EMG1: variants seen among roughly 807,000 people sequenced by gnomAD.
The protein encoded by EMG1 is EMG1 N1-specific pseudouridine methyltransferase, also known as ribosomal RNA small subunit methyltransferase NEP1.
A neutral mutation model predicts 26.9 loss-of-function variants in EMG1; 24 were observed. The observed-to-expected ratio is 0.89, with a 90% CI of 0.65 to 1.26. The LOEUF is 1.26. Ranked by LOEUF, EMG1 falls within the 50% of genes most tolerant of loss-of-function variation. The pLI, the probability that EMG1 is intolerant of heterozygous loss-of-function variation, is 0.00. For synonymous variants in EMG1, 140 were observed against 112.6 expected (o/e 1.24, Z -1.54); for missense variants, 299 against 307.6 (o/e 0.97, Z 0.21).
intron 6 of EMG1, among the ~76,000 whole-genome samples, chr12:6,985,219 GTC>G (rs1467927919): frequency 6.6e-6 from 1 of 150,988 alleles, no homozygotes; most frequent in Non-Finnish European, 1.5e-5. Context: ...GTGAAACCCC[GTC>G]TCTACTAAAA....
chr12:6,985,863 C>T (rs2138337658), intron 6 of EMG1, among the ~76,000 whole-genome samples: 1 of 151,010 alleles, frequency 6.6e-6, no homozygotes, highest in South Asian at 2.1e-4. Flanking sequence ...CAACCTCCGG[C>T]CCCTAGGTTC....
In EMG1 at chr12:6,977,888, GCTGA is replaced by G. The variant is rs1946426347; in HGVS notation, c.*2084_*2087del. On this transcript the variant is annotated 3_prime_UTR_variant, in exon 6 of 6. Transcript: ENST00000599672. This position sits in a 1 kb window ranked among gnomAD's most constrained non-coding sequence, Gnocchi z 4.5. The stretch of plus-strand genomic sequence containing the variant: ...GCCCCCAGAGGGTACAGGAGGCAGT[GCTGA>G]CTGATTACTTTTAGAGATGGAAAGC... 19 of 926,600 alleles carry G rather than the reference GCTGA, an allele frequency of 2.1e-5. 1 individual carries two copies. The South Asian group carries it at 3.0e-4, about 15-fold the overall frequency. The allele number at this position is 926,600 out of a possible 1,614,324, so 57.4% of individuals were successfully genotyped here. A position where few individuals can be genotyped will look rare whatever the true frequency, so the allele number is the denominator to read the frequency against.
intron 1 of EMG1, among the ~76,000 whole-genome samples, chr12:6,972,174 C>T (rs1203904238): frequency 6.7e-6 from 1 of 149,904 alleles, no homozygotes; most frequent in Non-Finnish European, 1.5e-5. Context: ...TCAATCGATT[C>T]TCCTGCCTCA....
chr12:6,975,166 G>T lies in EMG1; in HGVS notation c.471+18G>T, dbSNP rs782134436. On this transcript the variant is annotated intron_variant, in intron 4 of 5. Transcript: ENST00000599672. Reference sequence around the variant, plus strand: ...TTTTGAAGGTGAGGTATTGAAACCTGTTAGTTGAAGGCTGGTTCTGGGAAT... The same window carrying T: ...TTTTGAAGGTGAGGTATTGAAACCTTTTAGTTGAAGGCTGGTTCTGGGAAT... The T allele has an allele frequency of 2.5e-6, 4 of 1,613,896 alleles. No homozygotes were observed. In the South Asian group the frequency reaches 4.4e-5, roughly 18 times the overall value.
At chr12:6,973,840 C>T (rs1200801238) in intron 1 of EMG1, among the ~76,000 whole-genome samples, 1 of 152,238 alleles carries the variant, frequency 6.6e-6, no homozygotes, top group African/African-American at 2.4e-5. Context: ...CCACGCCCGG[C>T]CTTCACATTT....
At chr12:6,984,253 A>G (rs782452066), downstream of EMG1, among the ~76,000 whole-genome samples, 13 of 152,278 alleles carry the variant, frequency 8.5e-5, no homozygotes, top group Non-Finnish European at 1.9e-4. Flanking sequence ...GATTCAGAGT[A>G]TAGTCCAAAG....
chr12:6,977,546 C>T lies in EMG1; in HGVS notation c.*1737C>T. The T allele has an allele frequency of 1.9e-6, 3 of 1,614,114 alleles. No homozygotes were observed. Among genetic ancestry groups the T allele is most frequent in the Non-Finnish European group, 8.5e-7 (1 of 1,180,012 alleles). On this transcript the variant is annotated 3_prime_UTR_variant, in exon 6 of 6. Transcript: ENST00000599672. This position sits in a 1 kb window ranked among gnomAD's most constrained non-coding sequence, Gnocchi z 4.5. Reference sequence around the variant, plus strand: ...GCAGCCTGGGGAGGGAGGAGGAGCTCATCAGCATCTTGTCCCTTATATTCC... The same window carrying T: ...GCAGCCTGGGGAGGGAGGAGGAGCTTATCAGCATCTTGTCCCTTATATTCC...
chr12:6,984,410 C>A (rs1946501690), downstream of EMG1, among the ~76,000 whole-genome samples: 1 of 152,216 alleles, frequency 6.6e-6, no homozygotes, highest in African/African-American at 2.4e-5. Flanking sequence ...TGCAGACTCA[C>A]CTTCAGTGTT....
downstream of EMG1, among the ~76,000 whole-genome samples, chr12:6,989,123 A>C (rs1946561628): frequency 7.1e-6 from 1 of 140,080 alleles, no homozygotes; most frequent in East Asian, 2.0e-4. Flanking sequence ...ACTCCATCTC[A>C]AAAAAAAAAA....
Position 6,977,134 on chromosome 12 carries a change from C to G in EMG1, c.*1325C>G, listed in dbSNP as rs60709620. 1.9e-6 allele frequency: 3 copies of G among 1,547,322 alleles called. No individual in the cohort carries two copies. The East Asian group carries it at 6.8e-5, about 35-fold the overall frequency. On this transcript the variant is annotated 3_prime_UTR_variant, in exon 6 of 6. Transcript: ENST00000599672. This position sits in a 1 kb window ranked among gnomAD's most constrained non-coding sequence, Gnocchi z 4.5. The stretch of plus-strand genomic sequence containing the variant: ...TTTTAGTTTAGCTGTATTAACTTAC[C>G]AGGGAAATGGATTATTCCATCTTCT...
chr12:6,982,033 A>C, downstream of EMG1: 1 of 625,484 alleles, frequency 1.6e-6, no homozygotes. Context: ...ATTCCTACAA[A>C]TGGAGGTGCT....
At chr12:6,985,280 C>T (rs1244818041) in intron 6 of EMG1, among the ~76,000 whole-genome samples, 1 of 151,798 alleles carries the variant, frequency 6.6e-6, no homozygotes, top group African/African-American at 2.4e-5. Flanking sequence ...CCTATAGTCC[C>T]AGCTACTAGG....
intron 1 of EMG1, 78 bp from the exon 2 acceptor site, chr12:6,974,261 G>C: frequency 1.9e-6 from 2 of 1,027,404 alleles, no homozygotes; most frequent in Non-Finnish European, 3.0e-6. Flanking sequence ...CTGGTAGTTT[G>C]GGGACCACAC....
At chr12:6,981,014 T>C (rs1555153986), downstream of EMG1, 18 of 1,595,276 alleles carry the variant, frequency 1.1e-5, no homozygotes, top group Non-Finnish European at 1.5e-5. Flanking sequence ...CTGTTTGGTA[T>C]CTTTCCTGGT....
At chr12:6,975,442 C>T (rs1946383153) in intron 5 of EMG1, 64 bp downstream of exon 5, 2 of 1,483,496 alleles carry the variant, frequency 1.3e-6, no homozygotes, top group East Asian at 4.8e-5. Flanking sequence ...ATTCCCAGAG[C>T]AGTAGGCATT....
chr12:6,981,731 A>AGGGGGG, downstream of EMG1: 3 of 210,734 alleles, frequency 1.4e-5, no homozygotes, highest in Non-Finnish European at 1.8e-5. Flanking sequence ...CGGGGGGCGG[A>AGGGGGG]GGGGGGGTGC....
Position 6,979,636 on chromosome 12 carries a change from C to T in EMG1, c.*3827C>T. 8.2e-7 allele frequency: 1 copy of T among 1,212,684 alleles called. No individual in the cohort carries two copies. Among genetic ancestry groups the T allele is most frequent in the Non-Finnish European group, 1.2e-6 (1 of 817,306 alleles). 75.1% of individuals were successfully genotyped at this position (1,212,684 alleles called of 1,614,324 possible). ...AGAGAGCAGAGACTATTCCCTTCACCCTCTGACCTTCAGTTATGGAGAGGA... is the reference window on the plus strand; with the variant it reads ...AGAGAGCAGAGACTATTCCCTTCACTCTCTGACCTTCAGTTATGGAGAGGA... On this transcript the variant is annotated 3_prime_UTR_variant, in exon 6 of 6. Transcript: ENST00000599672.
chr12:6,981,187 GCC>G (rs1201801977), downstream of EMG1: 1 of 1,601,822 alleles, frequency 6.2e-7, no homozygotes, highest in Non-Finnish European at 8.5e-7. Context: ...GGAATTCTAT[GCC>G]AAGAAGAGAA....
downstream of EMG1, among the ~76,000 whole-genome samples, chr12:6,983,815 T>G (rs995483578): frequency 2.6e-5 from 4 of 152,180 alleles, no homozygotes; most frequent in Non-Finnish European, 5.9e-5. Context: ...TATGAACTAT[T>G]GCCAGACATT....
Sources: allele counts gnomAD v4.1 joint callset (sites outside exome capture counted in the v4.1 genomes callset), GRCh38; gene constraint gnomAD v4.1.1; non-coding constraint Gnocchi (gnomAD v3.1); transcripts MANE v1.5; gene names NCBI Gene and HGNC (gene_info 2026-07-23, HGNC 2026-07-21).